HDGFL3: variants seen among roughly 807,000 people sequenced by gnomAD.
HDGFL3 encodes hepatoma-derived growth factor-related protein 3.
Under a neutral mutation model 27.6 loss-of-function variants are expected in HDGFL3, and 6 were observed. The ratio of observed to expected loss-of-function variants is 0.22; its 90% CI spans 0.12 to 0.43. The LOEUF (loss-of-function observed/expected upper bound fraction) is 0.43. HDGFL3 is among the 20% of genes least tolerant of loss of function. The probability of loss-of-function intolerance (pLI) is 1.00; values close to 1 mark genes in which losing one functional copy is unlikely to be tolerated. For synonymous variants in HDGFL3, 88 were observed against 88.9 expected (o/e 0.99, Z 0.05); for missense variants, 207 against 250.1 (o/e 0.83, Z 1.16).
At chr15:83,149,691 CAGG>C (rs1487280031) in intron 5 of HDGFL3, among the ~76,000 whole-genome samples, 3 of 151,996 alleles carry the variant, frequency 2.0e-5, no homozygotes, top group Non-Finnish European at 2.9e-5. Context: ...GTTAAGTCAT[CAGG>C]AGGAGGAGAG....
In HDGFL3 at chr15:83,176,473, G is replaced by A. The variant is rs377679785; in HGVS notation, c.85-12398C>T. Among the ~76,000 whole-genome samples, 5 of 152,270 alleles carry A rather than the reference G, an allele frequency of 3.3e-5. No homozygotes were observed. The East Asian group carries it at 9.7e-4, about 29-fold the overall frequency. On this transcript the variant is annotated intron_variant, in intron 1 of 5. Transcript: ENST00000299633. ...AGATACTAAGGGGATATACAGATTA[G>A]AAATTTAGGCTCTTCCCTTACAGCC...
intron 1 of HDGFL3, among the ~76,000 whole-genome samples, chr15:83,166,637 G>A (rs750055249): frequency 6.6e-6 from 1 of 152,150 alleles, no homozygotes; most frequent in Non-Finnish European, 1.5e-5. Context: ...AAAGAACAGA[G>A]GTTTAACTGG....
At chr15:83,157,791 G>C in intron 3 of HDGFL3, 112 bp downstream of exon 3, 1 of 1,088,312 alleles carries the variant, frequency 9.2e-7, no homozygotes, top group Non-Finnish European at 1.4e-6. Context: ...GAGTCAAAAA[G>C]AATTGTGACT....
chr15:83,150,563 G>T (rs1426240801), intron 5 of HDGFL3, among the ~76,000 whole-genome samples: 1 of 152,118 alleles, frequency 6.6e-6, no homozygotes, highest in Non-Finnish European at 1.5e-5. Flanking sequence ...AAATTTCTTA[G>T]GTCATTATTT....
At chr15:83,120,259 C>T (rs534039741) in intron 3 of HDGFL3, among the ~76,000 whole-genome samples, 1 of 152,314 alleles carries the variant, frequency 6.6e-6, no homozygotes, top group East Asian at 1.9e-4. Context: ...TCTTGGGAGG[C>T]ACACATGTGA....
chr15:83,160,685 T>C lies in HDGFL3; in HGVS notation c.162-2644A>G, dbSNP rs113281613. Among the ~76,000 whole-genome samples, 290 of 152,252 alleles carry C rather than the reference T, an allele frequency of 1.9e-3. 3 individuals are homozygous for C. The highest frequency in any genetic ancestry group is 6.7e-3 in the African/African-American group (278 of 41,544). On this transcript the variant is annotated intron_variant, in intron 2 of 5. Coordinates refer to ENST00000299633, the MANE Select transcript of HDGFL3 (RefSeq NM_016073.4). ...AGAGGGGAAATGTGTAAGCTGGAGA[T>C]GTAAATTTGGAAATTATCAGTAAAG...
At chr15:83,148,344 G>T (rs573689693) in intron 5 of HDGFL3, among the ~76,000 whole-genome samples, 1 of 152,026 alleles carries the variant, frequency 6.6e-6, no homozygotes, top group African/African-American at 2.4e-5. Context: ...AAAGCTGGCC[G>T]GGCACAGTGG....
At chr15:83,124,888 A>G, downstream of HDGFL3, 1 of 924,144 alleles carries the variant, frequency 1.1e-6, no homozygotes, top group Non-Finnish European at 1.7e-6. Flanking sequence ...TAGCAAACTA[A>G]CAAACCATTC....
downstream of HDGFL3, among the ~76,000 whole-genome samples, chr15:83,125,206 C>T (rs78946589): frequency 0.013 from 1,906 of 152,242 alleles, 18 homozygotes; most frequent in Non-Finnish European, 0.019. Context: ...CAACAATTCA[C>T]GTGTATGTAG....
At chr15:83,117,776 G>A (rs112533276) in intron 3 of HDGFL3, among the ~76,000 whole-genome samples, 3 of 152,204 alleles carry the variant, frequency 2.0e-5, no homozygotes, top group African/African-American at 7.2e-5. Flanking sequence ...GAGTTTTAGA[G>A]TAGAGGAACA....
intron 1 of HDGFL3, among the ~76,000 whole-genome samples, chr15:83,191,850 C>CA (rs903916094): frequency 3.3e-5 from 5 of 150,450 alleles, no homozygotes; most frequent in Non-Finnish European, 5.9e-5. Context: ...TCAAATGTCT[C>CA]AAAAACTTAA....
chr15:83,184,751 G>A (rs1484109442), intron 1 of HDGFL3: 1 of 152,210 alleles, frequency 6.6e-6, no homozygotes, highest in African/African-American at 2.4e-5. Flanking sequence ...AAAAAGAGCA[G>A]GAAGAAGGCA....
intron 5 of HDGFL3, among the ~76,000 whole-genome samples, chr15:83,145,896 CCTTTTTT>C (rs2036882873): frequency 2.0e-5 from 2 of 98,988 alleles, no homozygotes; most frequent in South Asian, 3.5e-4. Context: ...CTTTCTTCTT[CCTTTTTT>C]TTTTTTTTTT....
intron 5 of HDGFL3, among the ~76,000 whole-genome samples, chr15:83,141,752 A>G (rs921223303): frequency 6.6e-6 from 1 of 152,174 alleles, no homozygotes; most frequent in Admixed American, 6.5e-5. Context: ...CTTGGCCCCA[A>G]TACTTAAAGA....
intron 1 of HDGFL3, among the ~76,000 whole-genome samples, chr15:83,201,661 T>C (rs990197955): frequency 2.0e-5 from 3 of 152,164 alleles, no homozygotes; most frequent in African/African-American, 7.2e-5. Context: ...TCTCTAATAG[T>C]AGAAAACTGA....
intron 1 of HDGFL3, among the ~76,000 whole-genome samples, chr15:83,188,657 G>A (rs1316828974): frequency 4.6e-5 from 7 of 152,158 alleles, no homozygotes; most frequent in East Asian, 1.9e-4. Flanking sequence ...CCATAGTCTC[G>A]TAATATACTT....
Position 83,168,240 on chromosome 15 carries a change from C to G in HDGFL3, c.85-4165G>C, listed in dbSNP as rs1314038011. Among the ~76,000 whole-genome samples, 5 of 152,084 alleles carry G rather than the reference C, an allele frequency of 3.3e-5. No individual in the cohort carries two copies. In the East Asian group the frequency reaches 9.7e-4, roughly 29 times the overall value. Reference sequence around the variant, plus strand: ...TCAAAATAATGATCTAACATCTTCCCCGGAGGAACTAGAAAAACAAGAACA... The same window carrying G: ...TCAAAATAATGATCTAACATCTTCCGCGGAGGAACTAGAAAAACAAGAACA... On this transcript the variant is annotated intron_variant, in intron 1 of 5. Coordinates refer to ENST00000299633, the MANE Select transcript of HDGFL3 (RefSeq NM_016073.4).
Position 83,138,968 on chromosome 15 carries a change from T to C in HDGFL3, c.*302A>G. The C allele has an allele frequency of 4.4e-6, 1 of 228,344 alleles. No individual in the cohort carries two copies. Among genetic ancestry groups the C allele is most frequent in the Non-Finnish European group, 8.5e-6 (1 of 117,612 alleles). The allele number at this position is 228,344 out of a possible 1,614,324, so 14.1% of individuals were successfully genotyped here. On this transcript the variant is annotated 3_prime_UTR_variant, in exon 6 of 6. Transcript: ENST00000299633. ...CAGGAAAACGATGATCATAACTGCCTTGATAAAAGGATCCTAGACATGTAT... is the reference window on the plus strand; with the variant it reads ...CAGGAAAACGATGATCATAACTGCCCTGATAAAAGGATCCTAGACATGTAT...
intron 5 of HDGFL3, among the ~76,000 whole-genome samples, chr15:83,144,228 G>T (rs868648074): frequency 6.6e-6 from 1 of 152,190 alleles, no homozygotes; most frequent in Non-Finnish European, 1.5e-5. Context: ...AGCTCCAGGG[G>T]TGTGGAGAAC....
Sources: gnomAD v4.1 joint callset for allele counts (sites outside exome capture counted in the v4.1 genomes callset) on GRCh38, gnomAD v4.1.1 for gene constraint, MANE v1.5 for transcripts, NCBI Gene and HGNC (gene_info 2026-07-23, HGNC 2026-07-21) for gene names.